The following PHLDB2 variants were observed in gnomAD, a reference collection of about 807,000 sequenced individuals.
The protein encoded by PHLDB2 is pleckstrin homology-like domain family B member 2.
A neutral mutation model predicts 123.6 loss-of-function variants in PHLDB2; 71 were observed. That is an observed-to-expected ratio of 0.57 (90% CI 0.47 to 0.70). The LOEUF is 0.70. Ranked by LOEUF, PHLDB2 falls within the 30% of genes least tolerant of loss-of-function variation. PHLDB2 has a pLI of 0.00. For missense variants in PHLDB2, 1,446 were observed against 1,519.5 expected (o/e 0.95, Z 0.80); for synonymous variants, 547 against 541.6 (o/e 1.01, Z -0.14).
chr3:111,758,219 G>A (rs989992944), intron 1 of PHLDB2, among the ~76,000 whole-genome samples: 3 of 152,160 alleles, frequency 2.0e-5, no homozygotes, highest in African/African-American at 7.2e-5. Flanking sequence ...GGAGCCTATA[G>A]AGGCAGGCAG....
chr3:111,800,626 C>G (rs1284002926), intron 1 of PHLDB2, among the ~76,000 whole-genome samples: 1 of 152,150 alleles, frequency 6.6e-6, no homozygotes, highest in African/African-American at 2.4e-5. Context: ...ATGTCATGAA[C>G]TGGCATTTCT....
At position 111,913,735 on chromosome 3, in the gene PHLDB2, A is replaced by C. The variant is rs75875415; in HGVS notation, c.1719+33A>C. 1,311 of 1,567,576 alleles carry C rather than the reference A, an allele frequency of 8.4e-4. 12 individuals carry two copies. In the East Asian group the frequency reaches 1.0e-2, roughly 12 times the overall value. On this transcript the variant is annotated intron_variant, in intron 3 of 17. Transcript: ENST00000431670. ...TGGCCCAGCAAAGATACTAGGATTT[A>C]AGGTCTAGGGCTGTGCATATGCTTT...
At chr3:111,889,333 G>A (rs1024597149) in intron 2 of PHLDB2, among the ~76,000 whole-genome samples, 7 of 151,984 alleles carry the variant, frequency 4.6e-5, no homozygotes, top group Non-Finnish European at 1.0e-4. Context: ...CACAGCCCCA[G>A]GAGATCCTGA....
chr3:111,955,084 A>T (rs528562388), intron 12 of PHLDB2, among the ~76,000 whole-genome samples: 5 of 151,102 alleles, frequency 3.3e-5, no homozygotes, highest in African/African-American at 9.7e-5. Flanking sequence ...CATATATGCT[A>T]CATATACATA....
intron 1 of PHLDB2, among the ~76,000 whole-genome samples, chr3:111,872,662 A>G (rs1559878526): frequency 6.6e-6 from 1 of 152,140 alleles, no homozygotes; most frequent in Non-Finnish European, 1.5e-5. Context: ...TGACTGGTCC[A>G]CATTTCCTAG....
In PHLDB2 at chr3:111,780,412, A is replaced by AAG. The variant is rs1326616017; in HGVS notation, c.-49+47710_-49+47711insGA. ...AGAAGAAGAAGAAGAAGAAGAAGAA[A>AAG]AAGATTAGTTCGGCCCAACTTTCTG... On this transcript the variant is annotated intron_variant, in intron 1 of 17. Coordinates refer to the PHLDB2 transcript ENST00000393923. Among the ~76,000 whole-genome samples the AAG allele has an allele frequency of 2.5e-4, 29 of 116,672 alleles. 1 individual carries two copies. Among genetic ancestry groups the AAG allele is most frequent in the African/African-American group, 7.9e-4 (23 of 29,140 alleles). 76.5% of individuals were successfully genotyped at this position (116,672 alleles called of 152,430 possible). A position where few individuals can be genotyped will look rare whatever the true frequency, so the allele number is the denominator to read the frequency against.
Position 111,971,570 on chromosome 3 carries a change from C to A in PHLDB2, c.3535+1661C>A, listed in dbSNP as rs147962124. On this transcript the variant is annotated intron_variant, in intron 16 of 17. Coordinates refer to ENST00000431670, the MANE Select transcript of PHLDB2 (RefSeq NM_001134438.2). ...TTATGATATAACTGGCTGGTGAGACCTAGTTGGACAAACGCTGCTCGTTCG... is the reference window on the plus strand; with the variant it reads ...TTATGATATAACTGGCTGGTGAGACATAGTTGGACAAACGCTGCTCGTTCG... Among the ~76,000 whole-genome samples, 575 of 152,214 alleles carry A rather than the reference C, an allele frequency of 3.8e-3. 2 individuals are homozygous for A. The highest frequency in any genetic ancestry group is 0.013 in the African/African-American group (537 of 41,504).
At chr3:111,832,406 T>G (rs1266288740) in intron 1 of PHLDB2, among the ~76,000 whole-genome samples, 3 of 151,690 alleles carry the variant, frequency 2.0e-5, no homozygotes, top group Non-Finnish European at 1.5e-5. Context: ...AACAAAAAGA[T>G]AAATTGTACC....
At chr3:111,785,445 T>C (rs1355921879) in intron 1 of PHLDB2, among the ~76,000 whole-genome samples, 1 of 152,192 alleles carries the variant, frequency 6.6e-6, no homozygotes, top group Non-Finnish European at 1.5e-5. Context: ...ATGTGACTTA[T>C]ATCCTTGAAG....
Position 111,911,579 on chromosome 3 carries a change from G to A in PHLDB2, c.1336-1740G>A, listed in dbSNP as rs149255890. 58 of 1,525,952 alleles carry A rather than the reference G, an allele frequency of 3.8e-5. No homozygotes were observed. The African/African-American group carries it at 6.7e-4, about 18-fold the overall frequency. The allele number at this position is 1,525,952 out of a possible 1,614,324, so 94.5% of individuals were successfully genotyped here. Reference sequence around the variant, plus strand: ...GGCTTGGCAGCTGGTGGAAACTGAAGAGATAAATAAGTACCAGGGCTCCTG... The same window carrying A: ...GGCTTGGCAGCTGGTGGAAACTGAAAAGATAAATAAGTACCAGGGCTCCTG... On this transcript the variant is annotated intron_variant, in intron 2 of 17. Coordinates refer to ENST00000431670, the MANE Select transcript of PHLDB2 (RefSeq NM_001134438.2).
At chr3:111,801,997 G>T (rs1274151969) in intron 1 of PHLDB2, among the ~76,000 whole-genome samples, 1 of 152,198 alleles carries the variant, frequency 6.6e-6, no homozygotes, top group Non-Finnish European at 1.5e-5. Context: ...ACTTTATAAA[G>T]GGTGGATATT....
At chr3:111,808,897 G>T (rs1191267879) in intron 1 of PHLDB2, among the ~76,000 whole-genome samples, 3 of 152,082 alleles carry the variant, frequency 2.0e-5, no homozygotes, top group Non-Finnish European at 4.4e-5. Context: ...CATCCATTTA[G>T]AACTCTACTA....
chr3:111,891,411 T>C (rs1400301656), intron 2 of PHLDB2, among the ~76,000 whole-genome samples: 1 of 152,064 alleles, frequency 6.6e-6, no homozygotes, highest in East Asian at 1.9e-4. Flanking sequence ...GAACTGCTCA[T>C]GTGAGGAATC....
At chr3:111,762,083 G>A (rs548116410) in intron 1 of PHLDB2, among the ~76,000 whole-genome samples, 2 of 152,298 alleles carry the variant, frequency 1.3e-5, no homozygotes, top group African/African-American at 4.8e-5. Flanking sequence ...CTGAGAACCA[G>A]ACCAGCGTCT....
intron 5 of PHLDB2, among the ~76,000 whole-genome samples, chr3:111,925,052 T>C (rs1001663025): frequency 1.3e-5 from 2 of 152,102 alleles, no homozygotes; most frequent in African/African-American, 4.8e-5. Context: ...TGGTCTCGAA[T>C]GCCTGACCTC....
chr3:111,972,403 G>A (rs1330829165), intron 16 of PHLDB2, among the ~76,000 whole-genome samples: 1 of 151,864 alleles, frequency 6.6e-6, no homozygotes, highest in African/African-American at 2.4e-5. Context: ...AACTTTTCAG[G>A]GCCATTATTT....
intron 2 of PHLDB2, among the ~76,000 whole-genome samples, chr3:111,906,788 C>G (rs148887085): frequency 0.011 from 1,670 of 152,290 alleles, 8 homozygotes; most frequent in Middle Eastern, 0.017. Flanking sequence ...CAATAACTTA[C>G]AGTTGCCTCC....
chr3:111,974,428 T>C lies in PHLDB2; in HGVS notation c.3627T>C (p.Pro1209=). The stretch of plus-strand genomic sequence containing the variant: ...TTTCCTTTTTTGAATTTTAGAGTCC[T>C]AATCCGTTACTCACCTTTAGCGTCA... The part of the protein sequence containing the change: ...YDHLKNANKS[P]NPLLTFSVKT... The change falls in exon 18 of 18, where the codon CCT becomes CCC. Residue 1209 remains proline, a synonymous_variant. Transcript: ENST00000431670. 1.2e-6 allele frequency: 2 copies of C among 1,602,422 alleles called. No homozygotes were observed. The highest frequency in any genetic ancestry group is 1.7e-6 in the Non-Finnish European group (2 of 1,174,804).
At chr3:111,883,587 G>A (rs1303407637) in intron 1 of PHLDB2, among the ~76,000 whole-genome samples, 5 of 152,128 alleles carry the variant, frequency 3.3e-5, no homozygotes, top group Non-Finnish European at 1.5e-5. Context: ...AGTGTCTAAC[G>A]TAAACTTTTT....
Sources: gnomAD v4.1 joint callset for allele counts (sites outside exome capture counted in the v4.1 genomes callset) on GRCh38, gnomAD v4.1.1 for gene constraint, MANE v1.5 for transcripts, NCBI Gene and HGNC (gene_info 2026-07-23, HGNC 2026-07-21) for gene names.